The following TAOK3 variants were observed in gnomAD, a reference collection of about 807,000 sequenced individuals.
TAOK3 encodes TAO kinase 3.
In TAOK3, 40 loss-of-function variants were observed where a neutral mutation model predicts 120.4. The observed-to-expected ratio is 0.33, with a 90% CI of 0.26 to 0.43. The LOEUF is 0.43. Among genes scored for constraint, TAOK3 ranks in the 20% least tolerant of loss-of-function variants. The pLI, the probability that TAOK3 is intolerant of heterozygous loss-of-function variation, is 1.00. For missense variants in TAOK3, 821 were observed against 1,112.1 expected (o/e 0.74, Z 3.72); for synonymous variants, 355 against 387.5 (o/e 0.92, Z 0.99).
At chr12:118,218,550 G>A (rs1006319665) in intron 9 of TAOK3, among the ~76,000 whole-genome samples, 2 of 152,072 alleles carry the variant, frequency 1.3e-5, no homozygotes, top group Admixed American at 6.5e-5. Context: ...TAGTTATACC[G>A]CATTGTTTAG....
intron 11 of TAOK3, among the ~76,000 whole-genome samples, chr12:118,207,153 C>G (rs1261502365): frequency 6.6e-6 from 1 of 151,326 alleles, no homozygotes; most frequent in Non-Finnish European, 1.5e-5. Flanking sequence ...ATGGAGAAAC[C>G]CTGTCTCTAC....
At chr12:118,155,604 A>G (rs1348443840) in intron 19 of TAOK3, among the ~76,000 whole-genome samples, 3 of 152,216 alleles carry the variant, frequency 2.0e-5, no homozygotes, top group Non-Finnish European at 4.4e-5. Context: ...TACTTGCCAC[A>G]TGGTAAGTAG....
chr12:118,224,380 G>A lies in TAOK3; in HGVS notation c.643+9294C>T, dbSNP rs1481326959. Among the ~76,000 whole-genome samples the A allele has an allele frequency of 7.9e-5, 12 of 151,842 alleles. No homozygotes were observed. The East Asian group carries it at 2.3e-3, about 29-fold the overall frequency. On this transcript the variant is annotated intron_variant, in intron 9 of 20. Coordinates refer to ENST00000392533, the MANE Select transcript of TAOK3 (RefSeq NM_016281.4). ...CATTTATTAACAGATAAACTATAAG[G>A]GGCTAATGTATAAGAAGAAAATTCC...
chr12:118,368,882 G>A (rs1413185198), intron 1 of TAOK3, among the ~76,000 whole-genome samples: 1 of 151,282 alleles, frequency 6.6e-6, no homozygotes, highest in Non-Finnish European at 1.5e-5. Flanking sequence ...AAAGGGCTGA[G>A]GATAGTGGGT....
intron 11 of TAOK3, among the ~76,000 whole-genome samples, chr12:118,212,391 T>C (rs2038676821): frequency 6.6e-6 from 1 of 152,252 alleles, no homozygotes; most frequent in African/African-American, 2.4e-5. Context: ...AAAGAGATGC[T>C]TGGTGATAAT....
At chr12:118,166,927 T>C (rs2035638620) in intron 17 of TAOK3, among the ~76,000 whole-genome samples, 1 of 151,820 alleles carries the variant, frequency 6.6e-6, no homozygotes, top group African/African-American at 2.4e-5. Context: ...TTTCCCTCGG[T>C]CAATGTCCAG....
chr12:118,284,859 T>TTATAATTCTATAATTAA (rs2042210411), intron 1 of TAOK3, among the ~76,000 whole-genome samples: 2 of 152,130 alleles, frequency 1.3e-5, no homozygotes, highest in African/African-American at 4.8e-5. Flanking sequence ...AATTCTATAA[T>TTATAATTCTATAATTAA]TAGGCATTCA....
chr12:118,154,664 C>T (rs560171598), intron 19 of TAOK3, among the ~76,000 whole-genome samples: 25 of 152,206 alleles, frequency 1.6e-4, no homozygotes, highest in Middle Eastern at 3.4e-3. Context: ...TGGTCTCAAA[C>T]TCCTGAACTC....
intron 1 of TAOK3, among the ~76,000 whole-genome samples, chr12:118,367,251 T>C (rs1216996231): frequency 6.6e-6 from 1 of 152,112 alleles, no homozygotes; most frequent in African/African-American, 2.4e-5. Flanking sequence ...TAGAAATAAC[T>C]TAGAAAGATT....
chr12:118,332,406 T>G (rs2044189749), intron 1 of TAOK3, among the ~76,000 whole-genome samples: 2 of 152,146 alleles, frequency 1.3e-5, no homozygotes, highest in Admixed American at 6.5e-5. Context: ...TCCTGAAGCT[T>G]CTCTCTTTTC....
At chr12:118,334,176 T>C (rs924222401) in intron 1 of TAOK3, among the ~76,000 whole-genome samples, 3 of 151,234 alleles carry the variant, frequency 2.0e-5, no homozygotes, top group South Asian at 4.2e-4. Flanking sequence ...AATAATGATA[T>C]TGAAGGGATA....
chr12:118,326,802 G>A (rs968004837), intron 1 of TAOK3, among the ~76,000 whole-genome samples: 4 of 152,100 alleles, frequency 2.6e-5, no homozygotes, highest in Admixed American at 6.6e-5. Context: ...AAGGTAATAC[G>A]TGTTCAACAA....
rs557705211 is a variant in TAOK3, at chr12:118,244,771, G to A, written c.192+123C>T. 1.1e-4 allele frequency: 67 copies of A among 618,720 alleles called. 2 individuals carry two copies. The highest frequency in any genetic ancestry group is 9.6e-4 in the South Asian group (63 of 65,604). The allele number at this position is 618,720 out of a possible 1,614,324, so 38.3% of individuals were successfully genotyped here. A position where few individuals can be genotyped will look rare whatever the true frequency, so the allele number is the denominator to read the frequency against. ...TCTCAATCTCCCGACCTCGTGAGCC[G>A]CCCACCTCGGCCTCGCAAAGTGCTG... On this transcript the variant is annotated intron_variant, in intron 4 of 20. Transcript: ENST00000392533.
At chr12:118,343,977 A>G (rs1479300978) in intron 1 of TAOK3, among the ~76,000 whole-genome samples, 1 of 150,700 alleles carries the variant, frequency 6.6e-6, no homozygotes, top group African/African-American at 2.4e-5. Flanking sequence ...GTGCCACTGC[A>G]CTCCAGCCTG....
intron 2 of TAOK3, among the ~76,000 whole-genome samples, chr12:118,266,410 C>A (rs2041452396): frequency 6.6e-6 from 1 of 151,216 alleles, no homozygotes; most frequent in Admixed American, 6.6e-5. Flanking sequence ...CCATTTTGAT[C>A]AGGCTGGTCT....
chr12:118,279,143 T>C (rs527500971), intron 1 of TAOK3, among the ~76,000 whole-genome samples: 4 of 152,274 alleles, frequency 2.6e-5, no homozygotes, highest in Admixed American at 6.5e-5. Context: ...TGGTATCTCA[T>C]TGTGGTTTTG....
intron 3 of TAOK3, among the ~76,000 whole-genome samples, chr12:118,251,602 T>G (rs1186208158): frequency 6.6e-6 from 1 of 152,166 alleles, no homozygotes; most frequent in African/African-American, 2.4e-5. Flanking sequence ...TTTAGAGTTG[T>G]AAACAAATAT....
At chr12:118,259,114 A>G (rs1320774636) in intron 2 of TAOK3, among the ~76,000 whole-genome samples, 1 of 152,242 alleles carries the variant, frequency 6.6e-6, no homozygotes, top group Non-Finnish European at 1.5e-5. Context: ...AGGCAAAGCC[A>G]TAAACTAAAA....
At chr12:118,239,913 T>A (rs1054740351) in intron 5 of TAOK3, among the ~76,000 whole-genome samples, 1 of 152,250 alleles carries the variant, frequency 6.6e-6, no homozygotes, top group African/African-American at 2.4e-5. Flanking sequence ...ACGCCTGTAA[T>A]CCCAGCACTT....
Sources: allele counts gnomAD v4.1 joint callset (sites outside exome capture counted in the v4.1 genomes callset), GRCh38; gene constraint gnomAD v4.1.1; transcripts MANE v1.5; gene names NCBI Gene and HGNC (gene_info 2026-07-23, HGNC 2026-07-21).